The following C3orf85 variants were observed in gnomAD, a reference collection of about 807,000 sequenced individuals.
The protein encoded by C3orf85 is uncharacterized protein C3orf85.
A neutral mutation model predicts 1.7 loss-of-function variants in C3orf85; 1 was observed. That is an observed-to-expected ratio of 0.60 (90% CI 0.21 to 2.86). The LOEUF (loss-of-function observed/expected upper bound fraction) is 2.86, where lower values mean the gene tolerates loss of function less well. Among genes scored for constraint, C3orf85 ranks in the 30% most tolerant of loss-of-function variants. The pLI, the probability that C3orf85 is intolerant of heterozygous loss-of-function variation, is 0.22. For synonymous variants in C3orf85, 17 were observed against 8.0 expected (o/e 2.13, Z -1.90); for missense variants, 29 against 21.3 (o/e 1.36, Z -0.72).
intron 2 of C3orf85, among the ~76,000 whole-genome samples, chr3:109,140,569 T>C (rs1044824350): frequency 6.6e-6 from 1 of 152,220 alleles, no homozygotes; most frequent in South Asian, 2.1e-4. Context: ...GTAGAAAAAC[T>C]GTTTTCCTAC....
intron 3 of C3orf85, 196 bp from the exon 4 acceptor site, chr3:109,149,609 C>T: frequency 2.9e-6 from 1 of 346,934 alleles, no homozygotes; most frequent in Non-Finnish European, 5.2e-6. Flanking sequence ...ATACTGTGGC[C>T]CCACAAATAC....
intron 2 of C3orf85, among the ~76,000 whole-genome samples, chr3:109,141,936 C>T (rs538322856): frequency 6.6e-6 from 1 of 152,054 alleles, no homozygotes; most frequent in East Asian, 1.9e-4. Flanking sequence ...GGCTGAGGCA[C>T]AAGAATCACT....
intron 2 of C3orf85, among the ~76,000 whole-genome samples, chr3:109,137,637 GTATATATATATATATATA>G (rs1553767249): frequency 2.5e-5 from 2 of 79,896 alleles, no homozygotes; most frequent in Admixed American, 1.8e-4. Flanking sequence ...GTGTGTGTGT[GTATATATATATATATATA>G]TATATATATA....
rs1706824375 is a variant in C3orf85, at chr3:109,148,404, A to C, written c.183+18A>C. The C allele has an allele frequency of 1.4e-6, 1 of 702,352 alleles. No homozygotes were observed. The highest frequency in any genetic ancestry group is 2.6e-6 in the Non-Finnish European group (1 of 384,590). 43.5% of individuals were successfully genotyped at this position (702,352 alleles called of 1,614,324 possible). ...CTAAGCAGGTATTTGTATTAGAAAC[A>C]AATGGTCCTTCACCATTTATCTTTT... On this transcript the variant is annotated intron_variant, in intron 3 of 3. Coordinates refer to ENST00000622536, the MANE Select transcript of C3orf85 (RefSeq NM_001351622.2).
intron 2 of C3orf85, among the ~76,000 whole-genome samples, chr3:109,137,599 A>G (rs1448932621): frequency 1.4e-5 from 2 of 144,894 alleles, no homozygotes; most frequent in Admixed American, 7.0e-5. Context: ...CTTCCCACAC[A>G]CAGCTAGATA....
chr3:109,149,897 A>T lies in C3orf85; in HGVS notation c.*3A>T, dbSNP rs1239384755. 1 of 398,312 alleles carries T rather than the reference A, an allele frequency of 2.5e-6. No homozygotes were observed. Among genetic ancestry groups the T allele is most frequent in the East Asian group, 3.6e-5 (1 of 28,036 alleles). The allele number at this position is 398,312 out of a possible 1,614,324, so 24.7% of individuals were successfully genotyped here. ...TTGACATGTCTACTGCCCAGTAAAT[A>T]TGTTTTCCTGGTTAAAGCAGGAGGA... On this transcript the variant is annotated 3_prime_UTR_variant, in exon 4 of 4. Transcript: ENST00000622536.
intron 2 of C3orf85, among the ~76,000 whole-genome samples, chr3:109,143,344 G>GT (rs1186617746): frequency 4.6e-5 from 7 of 152,120 alleles, no homozygotes; most frequent in Non-Finnish European, 8.8e-5. Context: ...TGTTTAAAGA[G>GT]TTTTTTTCAG....
intron 2 of C3orf85, among the ~76,000 whole-genome samples, chr3:109,144,634 T>G (rs769545342): frequency 1.1e-4 from 17 of 152,222 alleles, no homozygotes; most frequent in Non-Finnish European, 1.8e-4. Context: ...TAAAGCATGC[T>G]TCTCTGCCAA....
chr3:109,137,637 G>GTGTATATATATATATATATATATA (rs751674362), intron 2 of C3orf85, among the ~76,000 whole-genome samples: 1 of 79,906 alleles, frequency 1.3e-5, no homozygotes, highest in African/African-American at 3.7e-5. Context: ...GTGTGTGTGT[G>GTGTATATATATATATATATATATA]TATATATATA....
chr3:109,148,211 A>C, intron 2 of C3orf85, 42 bp from the exon 3 acceptor site: 1 of 685,778 alleles, frequency 1.5e-6, no homozygotes, highest in Non-Finnish European at 2.7e-6. Context: ...GATGTAAACT[A>C]TTGCTCTAAA....
At chr3:109,142,507 T>C (rs1576773638) in intron 2 of C3orf85, among the ~76,000 whole-genome samples, 2 of 152,222 alleles carry the variant, frequency 1.3e-5, no homozygotes, top group Admixed American at 6.5e-5. Flanking sequence ...CAGTATTACC[T>C]AGACCCTAAG....
chr3:109,141,913 C>T (rs1706746778), intron 2 of C3orf85, among the ~76,000 whole-genome samples: 1 of 152,122 alleles, frequency 6.6e-6, no homozygotes, highest in Admixed American at 6.5e-5. Context: ...CCTGTAATCC[C>T]AGCTACTCGG....
intron 2 of C3orf85, 33 bp downstream of exon 2, chr3:109,136,929 C>G: frequency 2.5e-6 from 1 of 404,684 alleles, no homozygotes; most frequent in South Asian, 1.1e-4. Context: ...TTTATCATGT[C>G]TCCTACAGCC....
intron 2 of C3orf85, among the ~76,000 whole-genome samples, chr3:109,145,331 G>C (rs1487157204): frequency 1.3e-5 from 2 of 152,190 alleles, no homozygotes; most frequent in African/African-American, 4.8e-5. Flanking sequence ...GTCACAATGT[G>C]GAAGAACTTT....
At chr3:109,149,665 A>C in intron 3 of C3orf85, 140 bp from the exon 4 acceptor site, 1 of 388,582 alleles carries the variant, frequency 2.6e-6, no homozygotes. Flanking sequence ...TAAAAGTATG[A>C]AAACCAAATT....
In C3orf85 at chr3:109,151,365, A is replaced by T. The variant is rs1395138825; in HGVS notation, c.*1471A>T. 6.6e-6 allele frequency among the ~76,000 whole-genome samples: 1 copy of T among 152,218 alleles called. No individual in the cohort carries two copies. Among genetic ancestry groups the T allele is most frequent in the Non-Finnish European group, 1.5e-5 (1 of 68,038 alleles). ...TATATATAGAGATGCTCCTCAACAT[A>T]CGATGGCGTTACATCCCAATAAACC... is the stretch of plus-strand genomic sequence containing the variant. On this transcript the variant is annotated 3_prime_UTR_variant, in exon 4 of 4. Coordinates refer to ENST00000622536, the MANE Select transcript of C3orf85 (RefSeq NM_001351622.2).
chr3:109,146,654 C>T (rs1045655366), intron 2 of C3orf85, among the ~76,000 whole-genome samples: 6 of 152,130 alleles, frequency 3.9e-5, no homozygotes, highest in East Asian at 3.9e-4. Flanking sequence ...GCTGCTTGAG[C>T]GCCCTCACGA....
intron 2 of C3orf85, among the ~76,000 whole-genome samples, chr3:109,137,637 GTATATATA>G (rs1553767249): frequency 2.4e-4 from 19 of 79,906 alleles, no homozygotes; most frequent in Admixed American, 1.3e-3. Context: ...GTGTGTGTGT[GTATATATA>G]TATATATATA....
chr3:109,148,585 A>C, intron 3 of C3orf85, 199 bp downstream of exon 3: 1 of 520,824 alleles, frequency 1.9e-6, no homozygotes, highest in Non-Finnish European at 3.4e-6. Flanking sequence ...ACTAGACTCA[A>C]ATGTCCCTCT....
Sources: gnomAD v4.1 joint callset for allele counts (sites outside exome capture counted in the v4.1 genomes callset) on GRCh38, gnomAD v4.1.1 for gene constraint, MANE v1.5 for transcripts, NCBI Gene and HGNC (gene_info 2026-07-23, HGNC 2026-07-21) for gene names.